Variants in EBF1 observed in about 807,000 individuals in gnomAD.
EBF1 encodes the protein transcription factor COE1.
A neutral mutation model predicts 68.4 loss-of-function variants in EBF1; 10 were observed. The observed-to-expected ratio is 0.15, with a 90% CI of 0.09 to 0.25. The LOEUF is 0.25. EBF1 is among the 10% of genes least tolerant of loss of function. EBF1 has a pLI of 1.00. For missense variants in EBF1, 509 were observed against 794.4 expected (o/e 0.64, Z 4.32); for synonymous variants, 298 against 299.8 (o/e 0.99, Z 0.06).
intron 10 of EBF1, among the ~76,000 whole-genome samples, chr5:158,731,687 T>A (rs1179733344): frequency 6.6e-6 from 1 of 152,186 alleles, no homozygotes; most frequent in Non-Finnish European, 1.5e-5. Context: ...GGAAAGCCAG[T>A]GCCACCCTTG....
intron 14 of EBF1, among the ~76,000 whole-genome samples, chr5:158,710,676 G>C (rs1581209701): frequency 6.6e-6 from 1 of 152,134 alleles, no homozygotes; most frequent in Non-Finnish European, 1.5e-5. Context: ...GAAAGTAAAA[G>C]TCTGTAAGTA....
At position 158,698,973 on chromosome 5, in the gene EBF1, TTTGTTTAAAAATCTGCAG is replaced by T. The variant is rs1756198942; in HGVS notation, c.*120_*137del. 2.5e-5 allele frequency: 18 copies of T among 711,266 alleles called. No homozygotes were observed. The highest frequency in any genetic ancestry group is 2.5e-4 in the Admixed American group (7 of 28,148). The allele number at this position is 711,266 out of a possible 1,614,324, so 44.1% of individuals were successfully genotyped here. On this transcript the variant is annotated 3_prime_UTR_variant, in exon 16 of 16. Transcript: ENST00000313708. ...AGTATTTGCAAGGTCGGTGATTTTGTTTGTTTAAAAATCTGCAGTTATTGTGATTCCTCTTAAAAAGGC... is the reference window on the plus strand; with the variant it reads ...AGTATTTGCAAGGTCGGTGATTTTGTTTATTGTGATTCCTCTTAAAAAGGC...
At chr5:159,086,607 A>G (rs1686365679) in intron 4 of EBF1, among the ~76,000 whole-genome samples, 2 of 152,198 alleles carry the variant, frequency 1.3e-5, no homozygotes, top group African/African-American at 4.8e-5. Context: ...CAGGGATAAC[A>G]CAGAGGTGAT....
intron 10 of EBF1, among the ~76,000 whole-genome samples, chr5:158,760,072 G>GC (rs1348630429): frequency 6.6e-6 from 1 of 152,106 alleles, no homozygotes; most frequent in African/African-American, 2.4e-5. Context: ...ATAGTACATT[G>GC]CCAAGTAGAT....
At chr5:158,815,466 T>A (rs1269700319) in intron 8 of EBF1, among the ~76,000 whole-genome samples, 1 of 152,100 alleles carries the variant, frequency 6.6e-6, no homozygotes, top group South Asian at 2.1e-4. Flanking sequence ...ATAAGTAAAA[T>A]AGTTAGCATG....
chr5:159,022,550 G>A (rs1381350924), intron 6 of EBF1, among the ~76,000 whole-genome samples: 6 of 152,196 alleles, frequency 3.9e-5, no homozygotes, highest in Admixed American at 2.6e-4. Context: ...GGGAGCCAAC[G>A]CATGTGCAAC....
intron 9 of EBF1, among the ~76,000 whole-genome samples, chr5:158,781,701 C>T (rs1002114975): frequency 6.6e-6 from 1 of 152,136 alleles, no homozygotes; most frequent in Admixed American, 6.6e-5. Flanking sequence ...TTTCTTCAGT[C>T]ATATTGATTC....
Position 158,713,999 on chromosome 5 carries a change from T to C in EBF1, c.1191+118A>G, listed in dbSNP as rs1408967765. 8 of 1,009,798 alleles carry C rather than the reference T, an allele frequency of 7.9e-6. No homozygotes were observed. The East Asian group carries it at 1.9e-4, about 24-fold the overall frequency. The allele number at this position is 1,009,798 out of a possible 1,614,324, so 62.6% of individuals were successfully genotyped here. A position where few individuals can be genotyped will look rare whatever the true frequency, so the allele number is the denominator to read the frequency against. The stretch of plus-strand genomic sequence containing the variant: ...CAACATGTTATATCTGAATTACTTA[T>C]ACTCTTAACTCATGCACATGGCTTT... On this transcript the variant is annotated intron_variant, in intron 12 of 15. Coordinates refer to ENST00000313708, the MANE Select transcript of EBF1 (RefSeq NM_024007.5).
chr5:158,807,182 G>T (rs143327208), intron 8 of EBF1, among the ~76,000 whole-genome samples: 1 of 152,062 alleles, frequency 6.6e-6, no homozygotes, highest in Non-Finnish European at 1.5e-5. Flanking sequence ...AATATAGGGG[G>T]TGCCCTCCAT....
chr5:159,027,502 C>T (rs1767934654), intron 6 of EBF1, among the ~76,000 whole-genome samples: 1 of 152,216 alleles, frequency 6.6e-6, no homozygotes, highest in Admixed American at 6.5e-5. Context: ...CACACTACCA[C>T]ACCAGTGTTC....
chr5:158,861,372 G>C (rs1379495551), intron 6 of EBF1, among the ~76,000 whole-genome samples: 6 of 152,184 alleles, frequency 3.9e-5, no homozygotes, highest in African/African-American at 1.2e-4. Context: ...ATCAGCAATG[G>C]AGCCCTGCCA....
chr5:159,006,829 T>C (rs1430734389), intron 6 of EBF1, among the ~76,000 whole-genome samples: 2 of 152,172 alleles, frequency 1.3e-5, no homozygotes, highest in Non-Finnish European at 2.9e-5. Context: ...CTCCAATTTC[T>C]ATTCTCTGTT....
chr5:158,912,310 C>T (rs528852459), intron 6 of EBF1, among the ~76,000 whole-genome samples: 1 of 152,342 alleles, frequency 6.6e-6, no homozygotes, highest in Non-Finnish European at 1.5e-5. Flanking sequence ...GTAGTGGATG[C>T]TTAGAATTCC....
intron 6 of EBF1, among the ~76,000 whole-genome samples, chr5:158,919,422 AT>A (rs1807913769): frequency 1.3e-5 from 2 of 152,154 alleles, no homozygotes; most frequent in Admixed American, 6.5e-5. Context: ...TGCCTGCAAT[AT>A]TTTAATCTAT....
chr5:158,809,130 T>C, intron 8 of EBF1, among the ~76,000 whole-genome samples: 1 of 152,152 alleles, frequency 6.6e-6, no homozygotes, highest in Non-Finnish European at 1.5e-5. Flanking sequence ...ATTTACAAAC[T>C]GGGTAGACAG....
At chr5:159,096,502 G>A (rs993603990) in intron 2 of EBF1, 96 bp from the exon 3 acceptor site, 224 of 1,432,950 alleles carry the variant, frequency 1.6e-4, no homozygotes, top group Non-Finnish European at 2.0e-4. Flanking sequence ...CCCAAGCCGG[G>A]ACCCCCGCTG....
At position 158,840,301 on chromosome 5, in the gene EBF1, T is replaced by A. The variant is rs191088124; in HGVS notation, c.555-191A>T. 2.8e-3 allele frequency among the ~76,000 whole-genome samples: 421 copies of A among 152,322 alleles called. 2 individuals are homozygous for A. The highest frequency in any genetic ancestry group is 9.0e-3 in the African/African-American group (376 of 41,574). ...TTGTTTCCACGCTGGACCTTCCTTA[T>A]GACACAAACACTGTTGGCACTGCCA... On this transcript the variant is annotated intron_variant, in intron 6 of 15. Transcript: ENST00000313708.
intron 10 of EBF1, among the ~76,000 whole-genome samples, chr5:158,732,460 A>G (rs577154957): frequency 6.6e-6 from 1 of 152,312 alleles, no homozygotes; most frequent in South Asian, 2.1e-4. Flanking sequence ...AAAGACTGTG[A>G]ATTTAGTACA....
At chr5:158,884,486 C>T (rs775634827) in intron 6 of EBF1, among the ~76,000 whole-genome samples, 2 of 152,068 alleles carry the variant, frequency 1.3e-5, no homozygotes, top group African/African-American at 4.8e-5. Flanking sequence ...TGCCAAGCAC[C>T]ATGCTCACTG....
Sources: allele counts gnomAD v4.1 joint callset (sites outside exome capture counted in the v4.1 genomes callset), GRCh38; gene constraint gnomAD v4.1.1; transcripts MANE v1.5; gene names NCBI Gene and HGNC (gene_info 2026-07-23, HGNC 2026-07-21).